UBE2D4: variants seen among roughly 807,000 people sequenced by gnomAD.
UBE2D4 encodes ubiquitin conjugating enzyme E2 D4.
A neutral mutation model predicts 23.0 loss-of-function variants in UBE2D4; 17 were observed. That is an observed-to-expected ratio of 0.74 (90% confidence interval 0.51 to 1.11). The LOEUF (loss-of-function observed/expected upper bound fraction) is 1.11. UBE2D4 is among the 50% of genes least tolerant of loss of function. UBE2D4 has a pLI of 0.00. For synonymous variants in UBE2D4, 61 were observed against 69.4 expected, an observed-to-expected ratio of 0.88 and a Z score of 0.60; for missense variants, 139 against 181.8, an observed-to-expected ratio of 0.76 and a Z score of 1.35.
intron 1 of UBE2D4, 117 bp downstream of exon 1, chr7:43,926,673 C>T: frequency 8.7e-7 from 1 of 1,145,100 alleles, no homozygotes; most frequent in Non-Finnish European, 1.2e-6. Flanking sequence ...GATACACCTG[C>T]CTGGGAAGGA....
At chr7:43,935,082 A>C (rs994968845) in intron 1 of UBE2D4, among the ~76,000 whole-genome samples, 1 of 152,232 alleles carries the variant, frequency 6.6e-6, no homozygotes, top group African/African-American at 2.4e-5. Flanking sequence ...AATGACTTCC[A>C]ACTACGTAAC....
chr7:43,943,153 C>A, intron 4 of UBE2D4, 122 bp downstream of exon 4: 1 of 956,792 alleles, frequency 1.0e-6, no homozygotes, highest in Non-Finnish European at 1.7e-6. Flanking sequence ...GCCCACTGCT[C>A]CACCCTGTGG....
At chr7:43,928,435 T>TA (rs397966403) in intron 1 of UBE2D4, among the ~76,000 whole-genome samples, 5 of 149,422 alleles carry the variant, frequency 3.3e-5, no homozygotes, top group South Asian at 4.2e-4. Flanking sequence ...TTTTTTTTTT[T>TA]AAATAAATAG....
intron 4 of UBE2D4, among the ~76,000 whole-genome samples, chr7:43,948,109 T>C (rs1021720705): frequency 6.6e-6 from 1 of 152,174 alleles, no homozygotes; most frequent in African/African-American, 2.4e-5. Context: ...GTCAGATGGG[T>C]AGATTGCAAA....
At chr7:43,928,318 C>T (rs1166961028) in intron 1 of UBE2D4, among the ~76,000 whole-genome samples, 3 of 152,122 alleles carry the variant, frequency 2.0e-5, no homozygotes, top group Admixed American at 2.0e-4. Flanking sequence ...GGACAAATAT[C>T]CAAACCAGAT....
At chr7:43,926,613 G>T in intron 1 of UBE2D4, 57 bp downstream of exon 1, 12 of 1,513,118 alleles carry the variant, frequency 7.9e-6, no homozygotes, top group Non-Finnish European at 1.1e-5. Context: ...AGGTGTGGGC[G>T]GGGCGCCGCT....
Position 43,950,579 on chromosome 7 carries a change from A to G in UBE2D4, c.305-20A>G. On this transcript the variant is annotated intron_variant, in intron 5 of 6. Coordinates refer to ENST00000222402, the MANE Select transcript of UBE2D4 (RefSeq NM_015983.4). ...GCAGCTTCGTGGCTACAGCTGACCA[A>G]CCTTTTCTTTTCTTCCCAGTTCTCT... is the stretch of plus-strand genomic sequence containing the variant. 1 of 1,611,226 alleles carries G rather than the reference A, an allele frequency of 6.2e-7. No homozygotes were observed. Among genetic ancestry groups the G allele is most frequent in the South Asian group, 1.1e-5 (1 of 90,996 alleles).
intron 1 of UBE2D4, among the ~76,000 whole-genome samples, chr7:43,931,931 A>G (rs1244928579): frequency 1.3e-5 from 2 of 150,514 alleles, no homozygotes; most frequent in Non-Finnish European, 3.0e-5. Context: ...CAAGCGATCC[A>G]CCCACTTGGG....
chr7:43,934,453 C>CTTTTTTTTTTTTTT (rs36122809), intron 1 of UBE2D4, among the ~76,000 whole-genome samples: 1 of 142,238 alleles, frequency 7.0e-6, no homozygotes, highest in African/African-American at 2.6e-5. Flanking sequence ...CTTGTTTTTC[C>CTTTTTTTTTTTTTT]TTTTTTTTTT....
chr7:43,938,401 G>T (rs2095963142), intron 1 of UBE2D4, 30 bp from the exon 2 acceptor site: 2 of 1,608,802 alleles, frequency 1.2e-6, no homozygotes. Context: ...CCAGCATACA[G>T]CAGCTCTGAC....
Position 43,955,799 on chromosome 7 carries a change from C to G in UBE2D4, c.*3104C>G, listed in dbSNP as rs1021610087. 2 of 152,234 alleles carry G rather than the reference C, an allele frequency of 1.3e-5. No individual in the cohort carries two copies. The highest frequency in any genetic ancestry group is 2.9e-5 in the Non-Finnish European group (2 of 68,128). 9.4% of individuals were successfully genotyped at this position (152,234 alleles called of 1,614,324 possible). ...CTTCCATTCCCCATGGCTCTCTCCTCTGACTGTGAAACACTTCCTCTCCAG... is the reference window on the plus strand; with the variant it reads ...CTTCCATTCCCCATGGCTCTCTCCTGTGACTGTGAAACACTTCCTCTCCAG... On this transcript the variant is annotated 3_prime_UTR_variant, in exon 7 of 7. Coordinates refer to ENST00000222402, the MANE Select transcript of UBE2D4 (RefSeq NM_015983.4).
intron 1 of UBE2D4, among the ~76,000 whole-genome samples, chr7:43,936,762 T>C (rs188048880): frequency 1.2e-3 from 184 of 152,324 alleles, no homozygotes; most frequent in African/African-American, 3.4e-3. Context: ...AAAACTTACA[T>C]GCAAAATTTG....
chr7:43,952,840 C>A lies in UBE2D4; in HGVS notation c.*145C>A. 2 of 681,106 alleles carry A rather than the reference C, an allele frequency of 2.9e-6. No homozygotes were observed. The highest frequency in any genetic ancestry group is 3.3e-5 in the South Asian group (2 of 60,952). The allele number at this position is 681,106 out of a possible 1,614,324, so 42.2% of individuals were successfully genotyped here. A position where few individuals can be genotyped will look rare whatever the true frequency, so the allele number is the denominator to read the frequency against. On this transcript the variant is annotated 3_prime_UTR_variant, in exon 7 of 7. Transcript: ENST00000222402. ...GTTGGTCACCCACTCTCTCCAGCTG[C>A]AGCATGTTGGTGCCATTTTCAGCAA...
chr7:43,948,682 C>T lies in UBE2D4; in HGVS notation c.249C>T (p.Ser83=). ...ACCCTAATATCAACAGCAATGGCAG[C>T]ATCTGCCTTGATATCCTGCGGTCTC... ...IYHPNINSNG[S]ICLDILRSQW... The change falls in exon 5 of 7, where the codon AGC becomes AGT. Residue 83 remains serine (S), a synonymous_variant. Transcript: ENST00000222402. 3 of 1,613,896 alleles carry T rather than the reference C, an allele frequency of 1.9e-6. No individual in the cohort carries two copies. The highest frequency in any genetic ancestry group is 2.5e-6 in the Non-Finnish European group (3 of 1,179,932).
intron 2 of UBE2D4, chr7:43,941,432 G>A (rs1344035697): frequency 1.3e-5 from 2 of 152,384 alleles, no homozygotes; most frequent in South Asian, 2.1e-4. Context: ...TGGAGAGGGT[G>A]TGATGTGCAG....
At chr7:43,941,614 G>A (rs1469672473) in intron 2 of UBE2D4, 1 of 152,364 alleles carries the variant, frequency 6.6e-6, no homozygotes, top group Non-Finnish European at 1.5e-5. Context: ...GCCACGGGCA[G>A]TTGGCTCCTG....
chr7:43,942,933 T>C, intron 3 of UBE2D4, 21 bp from the exon 4 acceptor site: 1 of 1,614,186 alleles, frequency 6.2e-7, no homozygotes, highest in African/African-American at 1.3e-5. Flanking sequence ...ACTGATCTCT[T>C]TCTGTGTCTC....
At position 43,948,681 on chromosome 7, in the gene UBE2D4, G is replaced by A. The variant is rs775182981; in HGVS notation, c.248G>A (p.Ser83Asn). The A allele has an allele frequency of 1.2e-6, 2 of 1,613,694 alleles. No homozygotes were observed. The highest frequency in any genetic ancestry group is 2.7e-5 in the African/African-American group (2 of 74,924). Reference protein sequence around the residue: ...IYHPNINSNGSICLDILRSQW... With the variant: ...IYHPNINSNGNICLDILRSQW... Reference sequence around the variant, plus strand: ...CACCCTAATATCAACAGCAATGGCAGCATCTGCCTTGATATCCTGCGGTCT... The same window carrying A: ...CACCCTAATATCAACAGCAATGGCAACATCTGCCTTGATATCCTGCGGTCT... The change falls in exon 5 of 7, where the codon AGC becomes AAC. Residue 83 changes from serine to asparagine, a missense_variant. Physicochemically the swap from Ser to Asn is conservative, Grantham distance 46. Coordinates refer to ENST00000222402, the MANE Select transcript of UBE2D4 (RefSeq NM_015983.4).
chr7:43,949,871 T>G (rs1183690797), intron 5 of UBE2D4, among the ~76,000 whole-genome samples: 1 of 152,064 alleles, frequency 6.6e-6, no homozygotes, highest in Non-Finnish European at 1.5e-5. Context: ...ATTTTTTTTT[T>G]GAGATCGAGT....
Sources: gnomAD v4.1 joint callset for allele counts (sites outside exome capture counted in the v4.1 genomes callset) on GRCh38, gnomAD v4.1.1 for gene constraint, MANE v1.5 for transcripts, NCBI Gene and HGNC (gene_info 2026-07-23, HGNC 2026-07-21) for gene names.